The following GBF1 variants were observed in gnomAD, a reference collection of about 807,000 sequenced individuals.
GBF1 encodes the protein Golgi-specific brefeldin A-resistance guanine nucleotide exchange factor 1.
GBF1 carries 114 observed loss-of-function variants against 210.5 expected under a neutral mutation model. The ratio of observed to expected loss-of-function variants is 0.54; its 90% CI spans 0.47 to 0.63. The LOEUF is 0.63. Among genes scored for constraint, GBF1 ranks in the 30% least tolerant of loss-of-function variants. The probability of loss-of-function intolerance (pLI) is 0.00; values close to 1 mark genes in which losing one functional copy is unlikely to be tolerated. For synonymous variants in GBF1, 850 were observed against 889.2 expected (o/e 0.96, Z 0.78); for missense variants, 1,851 against 2,357.7 (o/e 0.79, Z 4.45).
Position 102,369,968 on chromosome 10 carries a change from C to T in GBF1, c.3323C>T (p.Ala1108Val), listed in dbSNP as rs1565174402. Reference protein sequence around the residue: ...STENQEAKRVALECIKQCDPE... With the variant: ...STENQEAKRVVLECIKQCDPE... ...GAAAACCAAGAGGCCAAGAGAGTGG[C>T]CTTAGAGTGTATAAAGGTAACTGCC... Residue 1108 changes from alanine (A) to valine (V), a missense_variant, in exon 26 of 40, where the codon GCC becomes GTC. Transcript: ENST00000369983. 6.2e-7 allele frequency: 1 copy of T among 1,614,072 alleles called. No homozygotes were observed. The highest frequency in any genetic ancestry group is 8.5e-7 in the Non-Finnish European group (1 of 1,179,978).
intron 3 of GBF1, among the ~76,000 whole-genome samples, chr10:102,306,133 C>G (rs2077845985): frequency 6.6e-6 from 1 of 152,158 alleles, no homozygotes; most frequent in African/African-American, 2.4e-5. Context: ...AGCTGTGTTA[C>G]CCTTAGGTAA....
chr10:102,381,262 C>A lies in GBF1; in HGVS notation c.5302+7C>A. On this transcript the variant is annotated splice_region_variant and intron_variant, in intron 39 of 39. Transcript: ENST00000369983. ...TCTGAGCTGGGGGCCTGTGGTGAGT[C>A]TCTCTAGCCTAGCCTGATAGGCACT... 6.2e-7 allele frequency: 1 copy of A among 1,613,456 alleles called. No homozygotes were observed. The highest frequency in any genetic ancestry group is 1.1e-5 in the South Asian group (1 of 91,010).
In GBF1 at chr10:102,333,468, CT is replaced by C. The variant is rs796816217; in HGVS notation, c.164-10569del. ...GATTATTCTTTGGACCACTACCCCT[CT>C]TTTTTTTTTTTTTCTTTTTGAAACA... On this transcript the variant is annotated intron_variant, in intron 3 of 39. Transcript: ENST00000369983. 9.9e-4 allele frequency among the ~76,000 whole-genome samples: 142 copies of C among 143,858 alleles called. 1 individual carries two copies. Among genetic ancestry groups the C allele is most frequent in the Middle Eastern group, 3.6e-3 (1 of 274 alleles). The allele number at this position is 143,858 out of a possible 152,430, so 94.4% of individuals were successfully genotyped here. A position where few individuals can be genotyped will look rare whatever the true frequency, so the allele number is the denominator to read the frequency against.
chr10:102,305,081 A>G (rs1322983736), intron 3 of GBF1, among the ~76,000 whole-genome samples: 1 of 152,056 alleles, frequency 6.6e-6, no homozygotes, highest in Non-Finnish European at 1.5e-5. Flanking sequence ...TATGTAAAAC[A>G]TTGGTTCCAG....
the GBF1 span, chr10:102,230,868 C>T: frequency 3.1e-6 from 5 of 1,604,388 alleles, no homozygotes; most frequent in Non-Finnish European, 4.3e-6. Flanking sequence ...AGAAGACGGG[C>T]TGCGAAGCCA....
intron 3 of GBF1, among the ~76,000 whole-genome samples, chr10:102,311,671 A>G (rs1045830875): frequency 6.6e-6 from 1 of 152,212 alleles, no homozygotes; most frequent in South Asian, 2.1e-4. Context: ...CTGTCAGGAA[A>G]ATATGAATTG....
chr10:102,238,516 G>A, the GBF1 span, among the ~76,000 whole-genome samples: 189 of 152,328 alleles, frequency 1.2e-3, no homozygotes, highest in African/African-American at 4.3e-3. Context: ...AGGGTGGCCC[G>A]TCTGTCATTA....
At chr10:102,359,193 CTACTTCAGG>C (rs2059454315) in intron 10 of GBF1, 65 bp from the exon 11 acceptor site, 1 of 1,019,016 alleles carries the variant, frequency 9.8e-7, no homozygotes, top group Non-Finnish European at 1.6e-6. Flanking sequence ...TGGAAGACAG[CTACTTCAGG>C]GGAGTAAGTT....
chr10:102,324,639 T>C (rs1178230852), intron 3 of GBF1, among the ~76,000 whole-genome samples: 1 of 152,056 alleles, frequency 6.6e-6, no homozygotes, highest in Non-Finnish European at 1.5e-5. Context: ...CAGGCTGGAG[T>C]GCAGTGGCGC....
the GBF1 span, chr10:102,230,997 C>G: frequency 6.2e-7 from 1 of 1,600,514 alleles, no homozygotes; most frequent in Non-Finnish European, 8.5e-7. Context: ...CCTCGTAGGG[C>G]GGCACCAGCC....
chr10:102,372,230 C>T (rs918980171), intron 29 of GBF1, among the ~76,000 whole-genome samples: 7 of 149,900 alleles, frequency 4.7e-5, no homozygotes, highest in Non-Finnish European at 7.4e-5. Flanking sequence ...AAAAGACTTA[C>T]TCTCGGCTGG....
intron 24 of GBF1, 41 bp downstream of exon 24, chr10:102,369,428 G>C: frequency 6.8e-7 from 1 of 1,467,838 alleles, no homozygotes; most frequent in Non-Finnish European, 9.5e-7. Flanking sequence ...AACAAGGCAA[G>C]AGCTGCAACA....
In GBF1 at chr10:102,246,245, A is replaced by T. The variant is rs193125251; in HGVS notation, c.-11+464A>T. 3.0e-3 allele frequency among the ~76,000 whole-genome samples: 458 copies of T among 152,304 alleles called. 7 individuals are homozygous for T. The highest frequency in any genetic ancestry group is 0.026 in the South Asian group (126 of 4,830). On this transcript the variant is annotated intron_variant, in intron 1 of 39. Transcript: ENST00000369983. ...ACTAATACAAAGGAACTGCTTCATT[A>T]ATAATGATGAACTAGTGCACCCTAG...
At chr10:102,272,832 C>T (rs1255478492) in intron 3 of GBF1, among the ~76,000 whole-genome samples, 1 of 152,176 alleles carries the variant, frequency 6.6e-6, no homozygotes, top group Non-Finnish European at 1.5e-5. Flanking sequence ...TCTGCCTCCT[C>T]CTAGGGGCTT....
chr10:102,241,021 G>A (rs894204344), upstream of GBF1, among the ~76,000 whole-genome samples: 1 of 151,392 alleles, frequency 6.6e-6, no homozygotes. The surrounding 1 kb of genome is among the most constrained non-coding windows in gnomAD (Gnocchi z 6.7). Context: ...CGTGCCCTGG[G>A]ATTCCAGGGC....
intron 3 of GBF1, among the ~76,000 whole-genome samples, chr10:102,320,865 G>A (rs1042938329): frequency 2.0e-5 from 3 of 150,966 alleles, no homozygotes; most frequent in Non-Finnish European, 4.4e-5. Context: ...TCGGAGTCTC[G>A]GCTCACTACA....
chr10:102,356,791 G>A (rs1346328106), intron 8 of GBF1, among the ~76,000 whole-genome samples: 1 of 151,206 alleles, frequency 6.6e-6, no homozygotes, highest in African/African-American at 2.4e-5. Flanking sequence ...AAAAAATGGG[G>A]CCTAAACAAA....
At chr10:102,232,147 G>T in the GBF1 span, 54 of 985,802 alleles carry the variant, frequency 5.5e-5, no homozygotes, top group Admixed American at 1.1e-3. Flanking sequence ...CTCCGGCTTA[G>T]CTAGGTCCCA....
chr10:102,277,812 A>G (rs984932126), intron 3 of GBF1, among the ~76,000 whole-genome samples: 3 of 151,792 alleles, frequency 2.0e-5, no homozygotes, highest in African/African-American at 7.3e-5. Flanking sequence ...TCATATTCCA[A>G]TTTTGTCAAT....
Sources: allele counts gnomAD v4.1 joint callset (sites outside exome capture counted in the v4.1 genomes callset), GRCh38; gene constraint gnomAD v4.1.1; non-coding constraint Gnocchi (gnomAD v3.1); transcripts MANE v1.5; gene names NCBI Gene and HGNC (gene_info 2026-07-23, HGNC 2026-07-21).